THRAP3: variants seen among roughly 807,000 people sequenced by gnomAD.
THRAP3 encodes the protein thyroid hormone receptor-associated protein 3.
In THRAP3, 16 loss-of-function variants were observed where a neutral mutation model predicts 101.0. The ratio of observed to expected loss-of-function variants is 0.16; its 90% CI spans 0.11 to 0.24. The LOEUF (loss-of-function observed/expected upper bound fraction) is 0.24. Ranked by LOEUF, THRAP3 falls within the 10% of genes least tolerant of loss-of-function variation. The probability of loss-of-function intolerance (pLI) is 1.00; values close to 1 mark genes in which losing one functional copy is unlikely to be tolerated. For missense variants in THRAP3, 989 were observed against 1,202.7 expected (o/e 0.82, Z 2.63); for synonymous variants, 407 against 422.6 (o/e 0.96, Z 0.45).
intron 1 of THRAP3, among the ~76,000 whole-genome samples, chr1:36,228,042 C>CTTTT (rs1158538167): frequency 9.1e-6 from 1 of 110,456 alleles, no homozygotes; most frequent in Non-Finnish European, 1.9e-5. Context: ...CACGTGGCCT[C>CTTTT]TTTTTTTTTT....
chr1:36,275,433 A>G (rs1645646114), intron 2 of THRAP3, among the ~76,000 whole-genome samples: 1 of 140,606 alleles, frequency 7.1e-6, no homozygotes, highest in Non-Finnish European at 1.6e-5. Context: ...TAAAAATACA[A>G]AAAACTAGCC....
chr1:36,275,580 C>CT (rs1645648654), intron 2 of THRAP3, among the ~76,000 whole-genome samples: 1 of 94,180 alleles, frequency 1.1e-5, no homozygotes, highest in South Asian at 4.0e-4. Flanking sequence ...GAGCAAGACT[C>CT]TGTCTCAAAA....
At chr1:36,301,170 C>A in intron 10 of THRAP3, 86 bp downstream of exon 10, 3 of 1,349,974 alleles carry the variant, frequency 2.2e-6, no homozygotes, top group Non-Finnish European at 3.0e-6. Context: ...AGTTTTGTTG[C>A]CTTTGACATA....
At chr1:36,272,223 T>A (rs1645601123) in intron 2 of THRAP3, among the ~76,000 whole-genome samples, 1 of 152,108 alleles carries the variant, frequency 6.6e-6, no homozygotes, top group East Asian at 1.9e-4. Context: ...AAATGACCAT[T>A]CTCCCCAGAG....
In THRAP3 at chr1:36,287,012, G is replaced by A; in HGVS notation, c.782G>A (p.Arg261Lys). 4 of 1,614,198 alleles carry A rather than the reference G, an allele frequency of 2.5e-6. No individual in the cohort carries two copies. Among genetic ancestry groups the A allele is most frequent in the Non-Finnish European group, 3.4e-6 (4 of 1,180,032 alleles). The change falls in exon 4 of 12, where the codon AGG becomes AAG. Residue 261 changes from arginine (R) to lysine (K), a missense_variant. Physicochemically the swap from Arg to Lys is conservative, Grantham distance 26. Coordinates refer to ENST00000354618, the MANE Select transcript of THRAP3 (RefSeq NM_005119.4). ...LKSPLQSVVV[R>K]RRSPRPSPVP... ...AGCCCCCTCCAGTCTGTGGTGGTGA[G>A]GCGGCGGTCACCCCGTCCTAGCCCC... is the stretch of plus-strand genomic sequence containing the variant.
chr1:36,286,688 G>A lies in THRAP3; in HGVS notation c.458G>A (p.Arg153Gln), dbSNP rs146598379. The change falls in exon 4 of 12, where the codon CGG becomes CAG. Residue 153 changes from arginine to glutamine, a missense_variant. By Grantham distance (43) the Arg-to-Gln change is conservative (BLOSUM62 1). Transcript: ENST00000354618. The surrounding 1 kb of genome is among the most constrained non-coding windows in gnomAD (Gnocchi z 5.5). Reference sequence around the variant, plus strand: ...AACTCTGATAAGTCGTCTTCTGACCGGTCAAGGCGCTCCTCATCCTCCCGT... The same window carrying A: ...AACTCTGATAAGTCGTCTTCTGACCAGTCAAGGCGCTCCTCATCCTCCCGT... ...SRNSDKSSSD[R>Q]SRRSSSSRSS... 23 of 1,614,142 alleles carry A rather than the reference G, an allele frequency of 1.4e-5. No homozygotes were observed. The highest frequency in any genetic ancestry group is 1.2e-4 in the African/African-American group (9 of 75,024).
intron 2 of THRAP3, among the ~76,000 whole-genome samples, chr1:36,261,260 C>T (rs1444622950): frequency 3.3e-5 from 5 of 151,938 alleles, no homozygotes; most frequent in African/African-American, 7.3e-5. Flanking sequence ...AGGCCGGGTG[C>T]GGTGGCTCAC....
rs1553121666 is a variant in THRAP3, at chr1:36,270,571, G to GGTTTTTTTTTT, written c.-32+11087_-32+11088insGTTTTTTTTTT. Among the ~76,000 whole-genome samples, 45 of 31,888 alleles carry GGTTTTTTTTTT rather than the reference G, an allele frequency of 1.4e-3. 2 individuals carry two copies. Among genetic ancestry groups the GGTTTTTTTTTT allele is most frequent in the African/African-American group, 3.2e-3 (45 of 14,192 alleles). The allele number at this position is 31,888 out of a possible 152,430, so 20.9% of individuals were successfully genotyped here. Reference sequence around the variant, plus strand: ...TAAAAATACAGTTCTATTTGTTTAGGTTTTTGTTTTTTTTTTTTTTTTTGA... The same window carrying GGTTTTTTTTTT: ...TAAAAATACAGTTCTATTTGTTTAGGGTTTTTTTTTTTTTTTGTTTTTTTTTTTTTTTTTGA... On this transcript the variant is annotated intron_variant, in intron 2 of 11. Transcript: ENST00000354618.
the THRAP3 span, among the ~76,000 whole-genome samples, chr1:36,212,519 C>T: frequency 4.8e-5 from 7 of 146,994 alleles, no homozygotes; most frequent in East Asian, 4.0e-4. Context: ...CTCCTGCGTT[C>T]GAGCGATTCT....
chr1:36,257,221 T>C (rs1483162542), intron 1 of THRAP3, among the ~76,000 whole-genome samples: 2 of 152,150 alleles, frequency 1.3e-5, no homozygotes, highest in Non-Finnish European at 2.9e-5. Flanking sequence ...CCGTCTCTGC[T>C]CAGCTGTCTC....
upstream of THRAP3, among the ~76,000 whole-genome samples, chr1:36,219,506 C>T (rs144473301): frequency 0.084 from 12,762 of 152,162 alleles, 751 homozygotes; most frequent in Middle Eastern, 0.23. Flanking sequence ...CTCACTGTAA[C>T]CTCTGCCTCC....
chr1:36,227,966 C>G (rs1644981098), intron 1 of THRAP3, among the ~76,000 whole-genome samples: 1 of 151,732 alleles, frequency 6.6e-6, no homozygotes. Context: ...TCCACCGCCT[C>G]CTGGGTTCAA....
intron 9 of THRAP3, among the ~76,000 whole-genome samples, chr1:36,297,643 C>T (rs1645969949): frequency 6.6e-6 from 1 of 151,514 alleles, no homozygotes; most frequent in African/African-American, 2.4e-5. Context: ...TGGAGTTTCA[C>T]CATGTTGGCC....
the THRAP3 span, among the ~76,000 whole-genome samples, chr1:36,216,323 C>A: frequency 1.3e-5 from 2 of 151,736 alleles, no homozygotes; most frequent in Admixed American, 1.3e-4. Context: ...AGTTCAAGAC[C>A]AGACTGGCCA....
chr1:36,266,660 C>A (rs1645517970), intron 2 of THRAP3, among the ~76,000 whole-genome samples: 1 of 152,092 alleles, frequency 6.6e-6, no homozygotes, highest in Admixed American at 6.6e-5. Context: ...GATTCTGTAG[C>A]CAAGCTCTAA....
At chr1:36,267,342 C>G (rs1338548933) in intron 2 of THRAP3, among the ~76,000 whole-genome samples, 1 of 152,108 alleles carries the variant, frequency 6.6e-6, no homozygotes. Flanking sequence ...AGGAATGTTC[C>G]CCTCTATTCG....
chr1:36,290,185 GTC>G (rs558704460), intron 5 of THRAP3, among the ~76,000 whole-genome samples: 2 of 151,384 alleles, frequency 1.3e-5, no homozygotes, highest in East Asian at 1.9e-4. Flanking sequence ...TTTTGAGATA[GTC>G]TCTCTCTCTC....
At chr1:36,224,049 AG>A (rs1041808778), upstream of THRAP3, among the ~76,000 whole-genome samples, 2 of 152,224 alleles carry the variant, frequency 1.3e-5, no homozygotes, top group Admixed American at 6.5e-5. Context: ...GACCAAAAAC[AG>A]GGAGACTCGA....
rs187822039 is a variant in THRAP3, at chr1:36,299,417, G to T, written c.2304-1469G>T. On this transcript the variant is annotated intron_variant, in intron 9 of 11. Coordinates refer to ENST00000354618, the MANE Select transcript of THRAP3 (RefSeq NM_005119.4). ...TCGCACGACTGCACTCCAGCCTGGCGACAGAGTGAGACTCCATCTCAACAA... is the reference window on the plus strand; with the variant it reads ...TCGCACGACTGCACTCCAGCCTGGCTACAGAGTGAGACTCCATCTCAACAA... Among the ~76,000 whole-genome samples, 1,316 of 151,892 alleles carry T rather than the reference G, an allele frequency of 8.7e-3. 14 individuals are homozygous for T. The highest frequency in any genetic ancestry group is 0.03 in the African/African-American group (1,263 of 41,454).
Sources: gnomAD v4.1 joint callset for allele counts (sites outside exome capture counted in the v4.1 genomes callset) on GRCh38, gnomAD v4.1.1 for gene constraint, Gnocchi (gnomAD v3.1) non-coding constraint, MANE v1.5 for transcripts, NCBI Gene and HGNC (gene_info 2026-07-23, HGNC 2026-07-21) for gene names.